Variants in CSF1R observed in about 807,000 individuals in gnomAD.
CSF1R encodes the protein macrophage colony-stimulating factor 1 receptor.
A neutral mutation model predicts 110.0 loss-of-function variants in CSF1R; 40 were observed. The observed-to-expected ratio is 0.36, with a 90% confidence interval of 0.28 to 0.47. The LOEUF is 0.47. Ranked by LOEUF, CSF1R falls within the 20% of genes least tolerant of loss-of-function variation. The pLI is 0.99. For missense variants in CSF1R, 1,052 were observed against 1,253.0 expected (o/e 0.84, Z 2.42); for synonymous variants, 523 against 503.4 (o/e 1.04, Z -0.52).
rs199550331 is a variant in CSF1R at position 150,069,827 on chromosome 5, G to A, written c.1510+46C>T. The stretch of plus-strand genomic sequence containing the variant: ...AGGAGCCGCCTAAAGGAGCAGGGGC[G>A]GGGGGCGGGCGGGGGGGCGGTGCGG... On this transcript the variant is annotated intron_variant, in intron 9 of 20. Transcript: ENST00000675795. The A allele has an allele frequency of 6.2e-4, 757 of 1,218,814 alleles. 1 individual carries two copies. In the Middle Eastern group the frequency reaches 8.6e-3, roughly 14 times the overall value. 75.5% of individuals were successfully genotyped at this position (1,218,814 alleles called of 1,614,324 possible).
rs1758517015 is a variant in CSF1R, at chr5:150,080,992, G to A, written c.82C>T (p.Pro28Ser). 3.1e-6 allele frequency: 5 copies of A among 1,613,824 alleles called. No homozygotes were observed. Among genetic ancestry groups the A allele is most frequent in the South Asian group, 2.2e-5 (2 of 91,060 alleles). The change falls in exon 2 of 21, where the codon CCT becomes TCT. Residue 28 changes from proline to serine, a missense_variant. By Grantham distance (74) the Pro-to-Ser change is moderately conservative. Coordinates refer to ENST00000675795, the MANE Select transcript of CSF1R (RefSeq NM_001288705.3). The stretch of plus-strand genomic sequence containing the variant: ...GCTCCTGGCTTCACGACCAGCTCAG[G>A]GACACTGGGCTCTATCACTGGGATT... ...QGIPVIEPSV[P>S]ELVVKPGATV...
chr5:150,081,397 C>G (rs982116369), intron 1 of CSF1R, among the ~76,000 whole-genome samples: 25 of 152,154 alleles, frequency 1.6e-4, no homozygotes, highest in African/African-American at 6.0e-4. Flanking sequence ...GGACGTATTT[C>G]TACCACCGAA....
At chr5:150,084,234 G>C (rs543703207) in intron 1 of CSF1R, among the ~76,000 whole-genome samples, 3 of 151,816 alleles carry the variant, frequency 2.0e-5, no homozygotes, top group African/African-American at 7.2e-5. Flanking sequence ...CTACTCAGGA[G>C]TGGCAGAATT....
chr5:150,106,614 A>G (rs550550554), intron 1 of CSF1R, among the ~76,000 whole-genome samples: 10 of 152,282 alleles, frequency 6.6e-5, no homozygotes, highest in African/African-American at 2.2e-4. Context: ...TAGTGTCTGA[A>G]TTGGAGTACT....
intron 1 of CSF1R, among the ~76,000 whole-genome samples, chr5:150,085,277 G>GTAAAAAAAAAAAAAAAA (rs1758786208): frequency 1.1e-5 from 1 of 92,470 alleles, no homozygotes; most frequent in Non-Finnish European, 2.0e-5. Context: ...TCTGTCTCAG[G>GTAAAAAAAAAAAAAAAA]AAAAAAAAAA....
intron 19 of CSF1R, 102 bp downstream of exon 19, chr5:150,055,134 TG>T: frequency 9.8e-7 from 1 of 1,024,252 alleles, no homozygotes. Flanking sequence ...AGTCTGACCC[TG>T]GAACATTTTG....
rs1391083737 is a variant in CSF1R, at chr5:150,070,067, G to T, written c.1320-4C>A. ...CAGCACTTGGGCCTCATCACACCTG[G>T]CAAAAGCAGAATGTGGCTCAGAGCT... is the stretch of plus-strand genomic sequence containing the variant. On this transcript the variant is annotated splice_region_variant and splice_polypyrimidine_tract_variant and intron_variant, in intron 8 of 20. Transcript: ENST00000675795. 1 of 1,613,054 alleles carries T rather than the reference G, an allele frequency of 6.2e-7. No individual in the cohort carries two copies. Among genetic ancestry groups the T allele is most frequent in the South Asian group, 1.1e-5 (1 of 91,014 alleles).
Position 150,053,887 on chromosome 5 carries a change from G to T in CSF1R, c.*182C>A. The T allele has an allele frequency of 1.6e-6, 1 of 644,374 alleles. No individual in the cohort carries two copies. Among genetic ancestry groups the T allele is most frequent in the Non-Finnish European group, 2.7e-6 (1 of 367,536 alleles). 39.9% of individuals were successfully genotyped at this position (644,374 alleles called of 1,614,324 possible). A position where few individuals can be genotyped will look rare whatever the true frequency, so the allele number is the denominator to read the frequency against. On this transcript the variant is annotated 3_prime_UTR_variant, in exon 21 of 21. Transcript: ENST00000675795. ...CCCCTGACTGGCAGTGATGGCCCAT[G>T]CTCAGGAAGTGGGATCCTCTGACCT...
At chr5:150,106,758 G>A (rs116308111) in intron 1 of CSF1R, among the ~76,000 whole-genome samples, 3,539 of 152,174 alleles carry the variant, frequency 0.023, 55 homozygotes, top group Admixed American at 0.038. Flanking sequence ...CTGCTGTACT[G>A]AACACTTGCA....
chr5:150,064,680 C>T (rs1757682642), intron 10 of CSF1R, among the ~76,000 whole-genome samples: 1 of 152,206 alleles, frequency 6.6e-6, no homozygotes, highest in Non-Finnish European at 1.5e-5. Context: ...TCCTCTGTCC[C>T]TCTGCAGCTG....
Position 150,057,142 on chromosome 5 carries a change from GC to G in CSF1R, c.2319+144del, listed in dbSNP as rs1479844655. ...CAGCTTTCTCCCACTCATCCTTGCA[GC>G]TGCTGCCCAAATGACTCTCTCATAC... On this transcript the variant is annotated intron_variant, in intron 16 of 20. Transcript: ENST00000675795. The G allele has an allele frequency of 7.4e-6, 5 of 672,252 alleles. No homozygotes were observed. In the Admixed American group the frequency reaches 1.1e-4, roughly 14 times the overall value. The allele number at this position is 672,252 out of a possible 1,614,324, so 41.6% of individuals were successfully genotyped here. A position where few individuals can be genotyped will look rare whatever the true frequency, so the allele number is the denominator to read the frequency against.
Position 150,073,456 on chromosome 5 carries a change from G to T in CSF1R, c.927C>A (p.Leu309=), listed in dbSNP as rs375971167. 4.3e-6 allele frequency: 7 copies of T among 1,613,986 alleles called. No individual in the cohort carries two copies. In the African/African-American group the frequency reaches 5.3e-5, roughly 12 times the overall value. The change falls in exon 6 of 21, where the codon CTC becomes CTA. Residue 309 remains leucine (L), a synonymous_variant. Transcript: ENST00000675795. ...CCTCCCCCACGGTCACCTCCTGGAT[G>T]AGGTTCTGCTCAGAGCTCAAGTTCA... The part of the protein sequence containing the change: ...AYLNLSSEQN[L]IQEVTVGEGL...
At chr5:150,069,348 G>A (rs1218247731) in intron 9 of CSF1R, among the ~76,000 whole-genome samples, 18 of 152,154 alleles carry the variant, frequency 1.2e-4, no homozygotes. Flanking sequence ...TTGTGCACAG[G>A]GCCGGGCATC....
intron 5 of CSF1R, among the ~76,000 whole-genome samples, chr5:150,074,842 T>TACATAC (rs1554103279): frequency 6.6e-6 from 1 of 151,788 alleles, no homozygotes; most frequent in African/African-American, 2.4e-5. Context: ...TCTTCCTTCC[T>TACATAC]ACACACACAC....
chr5:150,056,997 A>G (rs1245938359), intron 16 of CSF1R, among the ~76,000 whole-genome samples: 1 of 152,172 alleles, frequency 6.6e-6, no homozygotes, highest in Non-Finnish European at 1.5e-5. Context: ...CTTTATGAGC[A>G]GAGACAACTG....
chr5:150,087,519 G>T (rs756367871), upstream of CSF1R, among the ~76,000 whole-genome samples: 1 of 152,152 alleles, frequency 6.6e-6, no homozygotes, highest in Non-Finnish European at 1.5e-5. Context: ...ATAGGATTTG[G>T]ATCCCAGCAG....
intron 1 of CSF1R, among the ~76,000 whole-genome samples, chr5:150,106,489 C>T (rs1260812458): frequency 6.6e-6 from 1 of 152,108 alleles, no homozygotes; most frequent in Non-Finnish European, 1.5e-5. Flanking sequence ...GGAGTGGGCC[C>T]AAGCTAGGAG....
Position 150,055,221 on chromosome 5 carries a change from G to A in CSF1R, c.2654+16C>T, listed in dbSNP as rs1156750389. ...CCTGGGGTGTCCTTTTCCCTCCCTG[G>A]GATCCCTTCGCTTACATATTCTTTG... is the stretch of plus-strand genomic sequence containing the variant. On this transcript the variant is annotated intron_variant, in intron 19 of 20. Coordinates refer to ENST00000675795, the MANE Select transcript of CSF1R (RefSeq NM_001288705.3). 1.2e-6 allele frequency: 2 copies of A among 1,609,544 alleles called. No homozygotes were observed. The highest frequency in any genetic ancestry group is 4.5e-5 in the East Asian group (2 of 44,884).
At chr5:150,092,158 T>G (rs1759064434) in intron 1 of CSF1R, among the ~76,000 whole-genome samples, 1 of 152,252 alleles carries the variant, frequency 6.6e-6, no homozygotes, top group African/African-American at 2.4e-5. Context: ...AGCCAATACA[T>G]AAACTATTGA....
Sources: gnomAD v4.1 joint callset for allele counts (sites outside exome capture counted in the v4.1 genomes callset) on GRCh38, gnomAD v4.1.1 for gene constraint, MANE v1.5 for transcripts, NCBI Gene and HGNC (gene_info 2026-07-23, HGNC 2026-07-21) for gene names.